The following FDCSP variants were observed in gnomAD, a reference collection of about 807,000 sequenced individuals.
FDCSP encodes the protein follicular dendritic cell secreted protein.
A neutral mutation model predicts 8.9 loss-of-function variants in FDCSP; 8 were observed. That is an observed-to-expected ratio of 0.90 (90% CI 0.53 to 1.63). FDCSP has a LOEUF of 1.63. FDCSP is among the 40% of genes most tolerant of loss of function. The pLI, the probability that FDCSP is intolerant of heterozygous loss-of-function variation, is 0.00. For synonymous variants in FDCSP, 34 were observed against 34.5 expected (o/e 0.98, Z 0.06); for missense variants, 101 against 103.6 (o/e 0.98, Z 0.11).
At chr4:70,226,912 T>C (rs900302149) in intron 1 of FDCSP, among the ~76,000 whole-genome samples, 8 of 151,918 alleles carry the variant, frequency 5.3e-5, no homozygotes, top group Non-Finnish European at 1.2e-4. Context: ...TAGTTTTGAA[T>C]AATTCTTGAA....
chr4:70,231,928 T>A (rs1282482240), intron 2 of FDCSP, among the ~76,000 whole-genome samples: 1 of 151,690 alleles, frequency 6.6e-6, no homozygotes, highest in African/African-American at 2.4e-5. Flanking sequence ...TGTATATGTT[T>A]ATGTCTCAGT....
chr4:70,232,670 C>T (rs1333324377), intron 2 of FDCSP, among the ~76,000 whole-genome samples: 1 of 151,462 alleles, frequency 6.6e-6, no homozygotes, highest in Non-Finnish European at 1.5e-5. Flanking sequence ...TGTAAGAATA[C>T]CTAACACACA....
chr4:70,234,575 T>C lies in FDCSP; in HGVS notation c.*28+360T>C, dbSNP rs148470454. On this transcript the variant is annotated intron_variant, in intron 4 of 4. Coordinates refer to ENST00000317987, the MANE Select transcript of FDCSP (RefSeq NM_152997.4). ...GTGGAGATCATAGTAGATGAAGTTA[T>C]GGGCCTAGAGTTTAAAGTAGACCAG... 1.7e-3 allele frequency among the ~76,000 whole-genome samples: 256 copies of C among 151,786 alleles called. 1 individual carries two copies. Among genetic ancestry groups the C allele is most frequent in the African/African-American group, 5.7e-3 (237 of 41,488 alleles).
In FDCSP at chr4:70,234,189, C is replaced by G; in HGVS notation, c.*2C>G. ...ACTCCCCTTCCTAGCGAAAAGTAAA[C>G]AAGAAGGAAAAGTCACGATAAACCT... On this transcript the variant is annotated 3_prime_UTR_variant, in exon 4 of 5. Transcript: ENST00000317987. 1 of 1,607,078 alleles carries G rather than the reference C, an allele frequency of 6.2e-7. No individual in the cohort carries two copies. The highest frequency in any genetic ancestry group is 1.3e-5 in the African/African-American group (1 of 74,484).
chr4:70,228,988 A>G (rs1730035741), intron 1 of FDCSP, among the ~76,000 whole-genome samples: 1 of 151,800 alleles, frequency 6.6e-6, no homozygotes, highest in South Asian at 2.1e-4. Context: ...CTATCCCTTT[A>G]AAAGAGTCAG....
At chr4:70,230,672 G>A (rs1730065283) in intron 1 of FDCSP, among the ~76,000 whole-genome samples, 1 of 151,604 alleles carries the variant, frequency 6.6e-6, no homozygotes, top group African/African-American at 2.4e-5. Context: ...TTTGGGGGTT[G>A]CCTGGAACCA....
At chr4:70,230,208 A>AC (rs947189586) in intron 1 of FDCSP, among the ~76,000 whole-genome samples, 4 of 151,346 alleles carry the variant, frequency 2.6e-5, no homozygotes, top group African/African-American at 9.7e-5. Flanking sequence ...CTTTCCCAGA[A>AC]CCCCCCACAT....
chr4:70,228,079 T>C (rs1578247322), intron 1 of FDCSP, among the ~76,000 whole-genome samples: 1 of 151,942 alleles, frequency 6.6e-6, no homozygotes, highest in South Asian at 2.1e-4. Flanking sequence ...CTCTGTAGCA[T>C]GCGATGTTGT....
chr4:70,227,582 TTAAAA>T (rs776860045), intron 1 of FDCSP, among the ~76,000 whole-genome samples: 2 of 120,976 alleles, frequency 1.7e-5, no homozygotes, highest in African/African-American at 2.7e-5. Flanking sequence ...TAAATAGTCT[TTAAAA>T]AGCTTTGTAA....
intron 3 of FDCSP, 152 bp downstream of exon 3, chr4:70,233,178 A>G (rs1730116222): frequency 1.7e-6 from 1 of 584,930 alleles, no homozygotes. Context: ...TTTAGACTTC[A>G]GGTATTTGAG....
At position 70,234,005 on chromosome 4, in the gene FDCSP, T is replaced by C; in HGVS notation, c.91-15T>C. 1 of 1,583,608 alleles carries C rather than the reference T, an allele frequency of 6.3e-7. No individual in the cohort carries two copies. The highest frequency in any genetic ancestry group is 8.6e-7 in the Non-Finnish European group (1 of 1,167,426). ...AAAAAGTGAAATAAACCCTTTAACT[T>C]CTTTCTTTCAACAGATCAGTGACAG... On this transcript the variant is annotated splice_polypyrimidine_tract_variant and intron_variant, in intron 3 of 4. Coordinates refer to ENST00000317987, the MANE Select transcript of FDCSP (RefSeq NM_152997.4).
Position 70,234,349 on chromosome 4 carries a change from T to C in FDCSP, c.*28+134T>C, listed in dbSNP as rs1730138763. The C allele has an allele frequency of 4.4e-6, 3 of 676,796 alleles. No individual in the cohort carries two copies. In the Admixed American group the frequency reaches 9.4e-5, roughly 21 times the overall value. The allele number at this position is 676,796 out of a possible 1,614,324, so 41.9% of individuals were successfully genotyped here. A position where few individuals can be genotyped will look rare whatever the true frequency, so the allele number is the denominator to read the frequency against. Reference sequence around the variant, plus strand: ...TTCTGTTTGTTTTAATGTTTTTCTCTGGTAGATACTGTCACGTGTGTCCAC... The same window carrying C: ...TTCTGTTTGTTTTAATGTTTTTCTCCGGTAGATACTGTCACGTGTGTCCAC... On this transcript the variant is annotated intron_variant, in intron 4 of 4. Transcript: ENST00000317987.
At chr4:70,231,636 C>T (rs1043717563) in intron 2 of FDCSP, among the ~76,000 whole-genome samples, 1 of 151,658 alleles carries the variant, frequency 6.6e-6, no homozygotes, top group Non-Finnish European at 1.5e-5. Context: ...AAAAATTATG[C>T]ACAGTTCATA....
At chr4:70,226,527 C>T (rs1729988913) in intron 1 of FDCSP, among the ~76,000 whole-genome samples, 1 of 151,782 alleles carries the variant, frequency 6.6e-6, no homozygotes, top group Non-Finnish European at 1.5e-5. Context: ...GCCATCAGGT[C>T]AGCAAACAGA....
At chr4:70,229,816 C>T (rs1289774949) in intron 1 of FDCSP, among the ~76,000 whole-genome samples, 1 of 151,494 alleles carries the variant, frequency 6.6e-6, no homozygotes, top group African/African-American at 2.4e-5. Context: ...CACAGATCAC[C>T]ATAAAAGATA....
chr4:70,231,138 G>A (rs2109685224), intron 1 of FDCSP, 57 bp from the exon 2 acceptor site: 1 of 1,388,440 alleles, frequency 7.2e-7, no homozygotes, highest in Non-Finnish European at 1.0e-6. Context: ...CTGACTTCTA[G>A]GATATTTATG....
rs1324387974 is a variant in FDCSP at position 70,235,149 on chromosome 4, A to G, written c.*93A>G. On this transcript the variant is annotated 3_prime_UTR_variant, in exon 5 of 5. Transcript: ENST00000317987. ...CAAAATTCCTGTTAATAAAAGAAAAACAAATGTAATTGAAATAGCACACAG... is the reference window on the plus strand; with the variant it reads ...CAAAATTCCTGTTAATAAAAGAAAAGCAAATGTAATTGAAATAGCACACAG... 1 of 151,808 alleles carries G rather than the reference A, an allele frequency of 6.6e-6. No individual in the cohort carries two copies. Among genetic ancestry groups the G allele is most frequent in the Non-Finnish European group, 1.5e-5 (1 of 67,854 alleles). 9.4% of individuals were successfully genotyped at this position (151,808 alleles called of 1,614,324 possible).
intron 1 of FDCSP, among the ~76,000 whole-genome samples, chr4:70,229,499 T>C (rs1730043697): frequency 6.6e-6 from 1 of 151,838 alleles, no homozygotes; most frequent in East Asian, 1.9e-4. Flanking sequence ...TTTCAGCTTA[T>C]CTTGGCTTTT....
Position 70,234,493 on chromosome 4 carries a change from G to C in FDCSP, c.*28+278G>C, listed in dbSNP as rs187425167. 1.5e-3 allele frequency among the ~76,000 whole-genome samples: 222 copies of C among 151,654 alleles called. 2 individuals carry two copies. The highest frequency in any genetic ancestry group is 5.2e-3 in the African/African-American group (214 of 41,436). ...TTAAAATATTGTTTACAAAGTATTT[G>C]TAACTCTTTATACTATTGTCAATAA... is the stretch of plus-strand genomic sequence containing the variant. On this transcript the variant is annotated intron_variant, in intron 4 of 4. Transcript: ENST00000317987.
Sources: gnomAD v4.1 joint callset for allele counts (sites outside exome capture counted in the v4.1 genomes callset) on GRCh38, gnomAD v4.1.1 for gene constraint, MANE v1.5 for transcripts, NCBI Gene and HGNC (gene_info 2026-07-23, HGNC 2026-07-21) for gene names.